FAM167A: variants seen among roughly 807,000 people sequenced by gnomAD.
FAM167A encodes the protein protein FAM167A.
In FAM167A, 23 loss-of-function variants were observed where a neutral mutation model predicts 14.9. That is an observed-to-expected ratio of 1.55 (90% CI 1.11 to 2.19). The LOEUF is 2.19. Ranked by LOEUF, FAM167A falls within the 30% of genes most tolerant of loss-of-function variation. The pLI, the probability that FAM167A is intolerant of heterozygous loss-of-function variation, is 0.00. For missense variants in FAM167A, 401 were observed against 281.5 expected (o/e 1.42, Z -3.04); for synonymous variants, 174 against 117.7 (o/e 1.48, Z -3.10).
In FAM167A at chr8:11,444,060, C is replaced by A. The variant is rs1486229727; in HGVS notation, c.352G>T (p.Glu118Ter). ...TCCTTCCTGAGCCAGGCTATAGCTT[C>A]ATCGATGCTCTGAAAGCCTTCCAGC... ...GKLEGFQSID[E>*]AIAWLRKELT... is the part of the protein sequence containing the mutation. The change falls in exon 2 of 3, where the codon GAA becomes TAA. Residue 118 changes from glutamate (E) to a stop codon, truncating the protein, a stop_gained. Transcript: ENST00000284486. LOFTEE classifies it high-confidence loss of function. 1.2e-6 allele frequency: 2 copies of A among 1,613,432 alleles called. No individual in the cohort carries two copies. The highest frequency in any genetic ancestry group is 1.7e-5 in the Admixed American group (1 of 60,012).
chr8:11,447,750 C>T (rs1047083142), intron 1 of FAM167A, among the ~76,000 whole-genome samples: 1 of 152,232 alleles, frequency 6.6e-6, no homozygotes, highest in African/African-American at 2.4e-5. Context: ...GTTAGAGCTC[C>T]AGGGCAGCCA....
chr8:11,437,293 A>G (rs1806088667), intron 2 of FAM167A, among the ~76,000 whole-genome samples: 1 of 152,176 alleles, frequency 6.6e-6, no homozygotes, highest in Non-Finnish European at 1.5e-5. Flanking sequence ...GCCTACCCGG[A>G]AAGATTGCTG....
rs538891416 is a variant in FAM167A, at chr8:11,451,174, C to A, written c.-397-6366G>T. 2.1e-4 allele frequency among the ~76,000 whole-genome samples: 32 copies of A among 152,304 alleles called. 2 individuals are homozygous for A. In the South Asian group the frequency reaches 6.2e-3, roughly 30 times the overall value. On this transcript the variant is annotated intron_variant, in intron 1 of 2. Transcript: ENST00000284486. ...GGTGTCAGAACCACTCAGAGGCCAG[C>A]CTTGCTCTGAGCTGGCCGGGGCCGC...
intron 2 of FAM167A, among the ~76,000 whole-genome samples, chr8:11,426,953 G>C (rs1805213169): frequency 6.6e-6 from 1 of 152,210 alleles, no homozygotes. Flanking sequence ...CCGCACCTGA[G>C]AAGATCAGAT....
At chr8:11,471,728 G>A (rs1335386614), upstream of FAM167A, among the ~76,000 whole-genome samples, 1 of 152,234 alleles carries the variant, frequency 6.6e-6, no homozygotes, top group Non-Finnish European at 1.5e-5. Flanking sequence ...ATGGCCGGGG[G>A]TCAGGGGTTG....
intron 2 of FAM167A, among the ~76,000 whole-genome samples, chr8:11,439,392 C>T (rs1320943002): frequency 2.0e-5 from 3 of 152,224 alleles, no homozygotes; most frequent in Non-Finnish European, 4.4e-5. Flanking sequence ...GAGGGCTGTC[C>T]CCTGACATAC....
chr8:11,449,101 T>A (rs895525375), intron 1 of FAM167A, among the ~76,000 whole-genome samples: 2 of 152,122 alleles, frequency 1.3e-5, no homozygotes, highest in Non-Finnish European at 2.9e-5. Context: ...GCTGCAGGAA[T>A]GGGATTGCCC....
At position 11,441,052 on chromosome 8, in the gene FAM167A, C is replaced by T. The variant is rs150633920; in HGVS notation, c.381+2979G>A. On this transcript the variant is annotated intron_variant, in intron 2 of 2. Transcript: ENST00000284486. ...AATCCCAGCAGCAGGCGGAACTGCA[C>T]GTCCAGCCTGCCTGCCTACCTGCCA... is the stretch of plus-strand genomic sequence containing the variant. Among the ~76,000 whole-genome samples the T allele has an allele frequency of 5.3e-5, 8 of 152,300 alleles. No individual in the cohort carries two copies. In the East Asian group the frequency reaches 1.2e-3, roughly 22 times the overall value.
intron 1 of FAM167A, among the ~76,000 whole-genome samples, chr8:11,456,457 G>A (rs1419546729): frequency 8.5e-6 from 1 of 117,452 alleles, no homozygotes; most frequent in Non-Finnish European, 1.8e-5. Flanking sequence ...TACTTGCCCT[G>A]CTGTATGTGT....
intron 1 of FAM167A, among the ~76,000 whole-genome samples, chr8:11,472,844 GA>G (rs1585291223): frequency 6.6e-6 from 1 of 152,176 alleles, no homozygotes; most frequent in Non-Finnish European, 1.5e-5. Context: ...CTGATTCCAT[GA>G]CACTCTGCAA....
chr8:11,439,953 C>G (rs1184930494), intron 2 of FAM167A, among the ~76,000 whole-genome samples: 1 of 152,132 alleles, frequency 6.6e-6, no homozygotes. Context: ...GCTCTGAATT[C>G]CGGACTCAGC....
intron 2 of FAM167A, chr8:11,438,656 G>A (rs911466396): frequency 2.5e-6 from 1 of 393,324 alleles, no homozygotes; most frequent in African/African-American, 2.1e-5. Context: ...AAGTTTTGGT[G>A]TATTTCCTTT....
rs1445599589 is a variant in FAM167A at position 11,422,672 on chromosome 8, A to G, written c.*1701T>C. ...CTTTTCTGTCTACTAGAGATCATTCATTTGCATTGTCCTACTCTCAGCCCA... is the reference window on the plus strand; with the variant it reads ...CTTTTCTGTCTACTAGAGATCATTCGTTTGCATTGTCCTACTCTCAGCCCA... On this transcript the variant is annotated 3_prime_UTR_variant, in exon 3 of 3. Transcript: ENST00000284486. 1 of 152,130 alleles carries G rather than the reference A, an allele frequency of 6.6e-6. No homozygotes were observed. Among genetic ancestry groups the G allele is most frequent in the African/African-American group, 2.4e-5 (1 of 41,412 alleles). The allele number at this position is 152,130 out of a possible 1,614,324, so 9.4% of individuals were successfully genotyped here. A position where few individuals can be genotyped will look rare whatever the true frequency, so the allele number is the denominator to read the frequency against.
At chr8:11,425,363 G>A (rs544062559) in intron 2 of FAM167A, among the ~76,000 whole-genome samples, 2 of 152,284 alleles carry the variant, frequency 1.3e-5, no homozygotes, top group South Asian at 4.1e-4. Flanking sequence ...CTCATCCACA[G>A]CCGAGCTGGG....
At chr8:11,439,677 A>G (rs1806310681) in intron 2 of FAM167A, among the ~76,000 whole-genome samples, 1 of 151,754 alleles carries the variant, frequency 6.6e-6, no homozygotes, top group Non-Finnish European at 1.5e-5. Flanking sequence ...TAGAAGAAAA[A>G]TATCAGTGGG....
At position 11,426,922 on chromosome 8, in the gene FAM167A, CTT is replaced by C. The variant is rs919496481; in HGVS notation, c.382-2288_382-2287del. Among the ~76,000 whole-genome samples the C allele has an allele frequency of 3.3e-5, 5 of 152,274 alleles. No homozygotes were observed. The East Asian group carries it at 9.7e-4, about 29-fold the overall frequency. ...TCGTCTCAGGCGAGCAGAGGGATGA[CTT>C]TGAGTTTTGTCCTTTGTCCCGCACC... On this transcript the variant is annotated intron_variant, in intron 2 of 2. Coordinates refer to ENST00000284486, the MANE Select transcript of FAM167A (RefSeq NM_053279.3).
At chr8:11,469,714 TGAA>T (rs1274066394), upstream of FAM167A, among the ~76,000 whole-genome samples, 1 of 146,834 alleles carries the variant, frequency 6.8e-6, no homozygotes, top group Non-Finnish European at 1.5e-5. Flanking sequence ...AAAAAAAAAA[TGAA>T]GAAGAAGAAA....
intron 1 of FAM167A, among the ~76,000 whole-genome samples, chr8:11,465,191 C>T (rs1246893090): frequency 6.6e-6 from 1 of 152,132 alleles, no homozygotes; most frequent in African/African-American, 2.4e-5. Context: ...AGGCAGGGGA[C>T]CTTCTCAGGT....
In FAM167A at chr8:11,434,699, C is replaced by G. The variant is rs545336335; in HGVS notation, c.381+9332G>C. 12 of 235,376 alleles carry G rather than the reference C, an allele frequency of 5.1e-5. No individual in the cohort carries two copies. The South Asian group carries it at 5.3e-4, about 10-fold the overall frequency. The allele number at this position is 235,376 out of a possible 1,614,324, so 14.6% of individuals were successfully genotyped here. On this transcript the variant is annotated intron_variant, in intron 2 of 2. Coordinates refer to ENST00000284486, the MANE Select transcript of FAM167A (RefSeq NM_053279.3). Reference sequence around the variant, plus strand: ...GGACAGAGTGATGCATTCCGAAGAGCCCCTAGATCTGCCACTAGGGGCTCT... The same window carrying G: ...GGACAGAGTGATGCATTCCGAAGAGGCCCTAGATCTGCCACTAGGGGCTCT...
Sources: gnomAD v4.1 joint callset for allele counts (sites outside exome capture counted in the v4.1 genomes callset) on GRCh38, gnomAD v4.1.1 for gene constraint, MANE v1.5 for transcripts, NCBI Gene and HGNC (gene_info 2026-07-23, HGNC 2026-07-21) for gene names.